The following SLC26A8 variants were observed in gnomAD, a reference collection of about 807,000 sequenced individuals.
SLC26A8 encodes solute carrier family 26 member 8.
A neutral mutation model predicts 105.0 loss-of-function variants in SLC26A8; 70 were observed. That is an observed-to-expected ratio of 0.67 (90% CI 0.55 to 0.81). The LOEUF (loss-of-function observed/expected upper bound fraction) is 0.81. Among genes scored for constraint, SLC26A8 ranks in the 40% least tolerant of loss-of-function variants. SLC26A8 has a pLI of 0.00. For synonymous variants in SLC26A8, 415 were observed against 438.3 expected (o/e 0.95, Z 0.66); for missense variants, 998 against 1,181.8 (o/e 0.84, Z 2.28).
At chr6:35,968,607 G>GAATA (rs1772628760) in intron 11 of SLC26A8, among the ~76,000 whole-genome samples, 2 of 47,038 alleles carry the variant, frequency 4.3e-5, no homozygotes, top group East Asian at 1.1e-3. Context: ...GTGTGTGTGT[G>GAATA]TGTATATATA....
At chr6:35,991,547 T>C (rs1761159554) in intron 7 of SLC26A8, 112 bp downstream of exon 7, 1 of 737,686 alleles carries the variant, frequency 1.4e-6, no homozygotes, top group East Asian at 3.2e-5. Context: ...TTCACAAATA[T>C]AAGCATATAT....
intron 7 of SLC26A8, among the ~76,000 whole-genome samples, chr6:35,982,973 C>T (rs1773338689): frequency 6.6e-6 from 1 of 152,182 alleles, no homozygotes; most frequent in Non-Finnish European, 1.5e-5. Flanking sequence ...GCTGTTATAG[C>T]TTATAAAGAC....
intron 1 of SLC26A8, among the ~76,000 whole-genome samples, chr6:36,020,954 T>C (rs972365206): frequency 3.9e-5 from 6 of 152,202 alleles, no homozygotes; most frequent in Non-Finnish European, 8.8e-5. Flanking sequence ...TTGCCAACAT[T>C]TATTGGGCAT....
intron 7 of SLC26A8, among the ~76,000 whole-genome samples, chr6:35,984,151 T>TGAG (rs2127336402): frequency 6.6e-6 from 1 of 152,236 alleles, no homozygotes; most frequent in African/African-American, 2.4e-5. Flanking sequence ...ACAAATTATG[T>TGAG]CACAAAAAAG....
chr6:36,019,192 C>T (rs566530637), intron 2 of SLC26A8, among the ~76,000 whole-genome samples: 45 of 152,250 alleles, frequency 3.0e-4, no homozygotes, highest in African/African-American at 8.4e-4. Flanking sequence ...TCCTGAAGTG[C>T]TGGGATTACG....
At chr6:35,957,014 G>A (rs1406826209) in intron 16 of SLC26A8, among the ~76,000 whole-genome samples, 1 of 151,490 alleles carries the variant, frequency 6.6e-6, no homozygotes, top group African/African-American at 2.4e-5. Flanking sequence ...CCTGAGGTTG[G>A]GAGTTCAAGA....
intron 19 of SLC26A8, among the ~76,000 whole-genome samples, chr6:35,948,942 G>A (rs1441161654): frequency 6.6e-6 from 1 of 152,204 alleles, no homozygotes; most frequent in Non-Finnish European, 1.5e-5. Context: ...TGGGGATGCT[G>A]CTGAGAGAAG....
In SLC26A8 at chr6:35,993,155, C is replaced by A. The variant is rs993500179; in HGVS notation, c.628-481G>T. On this transcript the variant is annotated intron_variant, in intron 5 of 19. Coordinates refer to ENST00000490799, the MANE Select transcript of SLC26A8 (RefSeq NM_052961.4). ...TGGGACTACAGATGCTCACACTGGG[C>A]ATTTTTTTTTTTTTTTTTTTTGATA... Among the ~76,000 whole-genome samples the A allele has an allele frequency of 2.1e-4, 14 of 67,962 alleles. No homozygotes were observed. The East Asian group carries it at 6.5e-3, about 32-fold the overall frequency. The allele number at this position is 67,962 out of a possible 152,430, so 44.6% of individuals were successfully genotyped here. A position where few individuals can be genotyped will look rare whatever the true frequency, so the allele number is the denominator to read the frequency against.
chr6:35,985,491 G>C lies in SLC26A8; in HGVS notation c.943-3288C>G, dbSNP rs553143531. Among the ~76,000 whole-genome samples, 79 of 151,812 alleles carry C rather than the reference G, an allele frequency of 5.2e-4. 1 individual carries two copies. Among genetic ancestry groups the C allele is most frequent in the African/African-American group, 1.8e-3 (75 of 41,418 alleles). On this transcript the variant is annotated intron_variant, in intron 7 of 19. Coordinates refer to ENST00000490799, the MANE Select transcript of SLC26A8 (RefSeq NM_052961.4). ...GGGCAGATCACGAAGTCAGGAGATC[G>C]AGACCATCCTGGCCAACATGGTGAA...
intron 5 of SLC26A8, among the ~76,000 whole-genome samples, chr6:35,995,582 G>A (rs531666858): frequency 1.3e-5 from 2 of 152,196 alleles, no homozygotes; most frequent in South Asian, 4.1e-4. Context: ...GTGACCTTGG[G>A]CAATTTTCTT....
chr6:36,009,899 T>A (rs1191868774), intron 3 of SLC26A8, among the ~76,000 whole-genome samples: 1 of 152,218 alleles, frequency 6.6e-6, no homozygotes, highest in South Asian at 2.1e-4. Flanking sequence ...CGCATGTGAA[T>A]CTATAATTAT....
Position 36,012,275 on chromosome 6 carries a change from A to G in SLC26A8, c.286T>C (p.Leu96=). The change falls in exon 3 of 20, where the codon TTA becomes CTA. Residue 96 remains leucine (L), a synonymous_variant. Transcript: ENST00000490799. Reference sequence around the variant, plus strand: ...AGGCCAACACTTATACCAGCAAGTAAGTCTCCCAGAAGCCAATCCTTTAAT... The same window carrying G: ...AGGCCAACACTTATACCAGCAAGTAGGTCTCCCAGAAGCCAATCCTTTAAT... ...YRLKDWLLGD[L]LAGISVGLVQ... The G allele has an allele frequency of 6.2e-7, 1 of 1,612,104 alleles. No individual in the cohort carries two copies. Among genetic ancestry groups the G allele is most frequent in the South Asian group, 1.1e-5 (1 of 90,746 alleles).
At chr6:35,985,289 C>T (rs558695295) in intron 7 of SLC26A8, among the ~76,000 whole-genome samples, 1 of 152,250 alleles carries the variant, frequency 6.6e-6, no homozygotes, top group East Asian at 1.9e-4. Context: ...GTCATGGGGG[C>T]TTCCTTAACC....
intron 9 of SLC26A8, among the ~76,000 whole-genome samples, chr6:35,976,823 C>A (rs887856777): frequency 1.3e-5 from 2 of 152,038 alleles, no homozygotes; most frequent in African/African-American, 4.8e-5. Flanking sequence ...GGATTACAGA[C>A]GTGAGCCACT....
At chr6:35,979,007 ATTTTTTTTTTTTTT>A (rs34335766) in intron 8 of SLC26A8, among the ~76,000 whole-genome samples, 1 of 98,306 alleles carries the variant, frequency 1.0e-5, no homozygotes, top group Non-Finnish European at 2.0e-5. Flanking sequence ...CACCTGGCTA[ATTTTTTTTTTTTTT>A]TTTTTTTTTT....
chr6:35,968,639 A>G (rs1224433787), intron 11 of SLC26A8, among the ~76,000 whole-genome samples: 30 of 100,510 alleles, frequency 3.0e-4, no homozygotes, highest in African/African-American at 1.6e-3. Context: ...ATATATATAT[A>G]TATATATATA....
chr6:35,983,391 T>C (rs369928864), intron 7 of SLC26A8, among the ~76,000 whole-genome samples: 1 of 152,206 alleles, frequency 6.6e-6, no homozygotes, highest in Non-Finnish European at 1.5e-5. Flanking sequence ...AAGACAACTA[T>C]TGTTACATTT....
In SLC26A8 at chr6:35,952,862, A is replaced by T. The variant is rs149663573; in HGVS notation, c.2233-1363T>A. ...AACCCCGTCTCTACTAAAAATACAA[A>T]AATTATGCGGGTGTGGTGGTGTGCG... On this transcript the variant is annotated intron_variant, in intron 17 of 19. Transcript: ENST00000490799. 5.6e-4 allele frequency among the ~76,000 whole-genome samples: 85 copies of T among 152,032 alleles called. 1 individual carries two copies. The East Asian group carries it at 9.9e-3, about 18-fold the overall frequency.
Position 35,960,913 on chromosome 6 carries a change from C to T in SLC26A8, c.1569-1G>A. The T allele has an allele frequency of 6.2e-7, 1 of 1,614,142 alleles. No homozygotes were observed. Among genetic ancestry groups the T allele is most frequent in the Non-Finnish European group, 8.5e-7 (1 of 1,180,030 alleles). On this transcript the variant is annotated splice_acceptor_variant, in intron 13 of 19. Transcript: ENST00000490799. LOFTEE classifies it high-confidence loss of function. ...TTGACCCAGGAGAAGAATCTTAGCT[C>T]TGAAAGGAAATGCACTTGCCTTTAG...
Sources: gnomAD v4.1 joint callset for allele counts (sites outside exome capture counted in the v4.1 genomes callset) on GRCh38, gnomAD v4.1.1 for gene constraint, MANE v1.5 for transcripts, NCBI Gene and HGNC (gene_info 2026-07-23, HGNC 2026-07-21) for gene names.